Variants in CNDP1 observed in about 807,000 individuals in gnomAD.
CNDP1 encodes the protein carnosine dipeptidase 1.
CNDP1 carries 44 observed loss-of-function variants against 58.1 expected under a neutral mutation model. The ratio of observed to expected loss-of-function variants is 0.76; its 90% CI spans 0.60 to 0.97. The LOEUF (loss-of-function observed/expected upper bound fraction) is 0.97, where lower values mean the gene tolerates loss of function less well. CNDP1 is among the 50% of genes least tolerant of loss of function. The probability of loss-of-function intolerance (pLI) is 0.00; values close to 1 mark genes in which losing one functional copy is unlikely to be tolerated. For synonymous variants in CNDP1, 254 were observed against 252.6 expected, an observed-to-expected ratio of 1.01 and a Z score of -0.05; for missense variants, 616 against 655.1, an observed-to-expected ratio of 0.94 and a Z score of 0.65.
rs1267585431 is a variant in CNDP1, at chr18:74,586,641, A to C, written c.*2079A>C. 2.6e-5 allele frequency: 4 copies of C among 152,156 alleles called. No individual in the cohort carries two copies. The highest frequency in any genetic ancestry group is 1.3e-4 in the Admixed American group (2 of 15,270). 9.4% of individuals were successfully genotyped at this position (152,156 alleles called of 1,614,324 possible). A position where few individuals can be genotyped will look rare whatever the true frequency, so the allele number is the denominator to read the frequency against. The stretch of plus-strand genomic sequence containing the variant: ...AGGGGAGGAGAATGAATAGTTATGG[A>C]AGTTGTAGAATCTAGGATATTCCAA... On this transcript the variant is annotated 3_prime_UTR_variant, in exon 12 of 12. Transcript: ENST00000358821.
chr18:74,556,858 T>C (rs917836180), intron 2 of CNDP1, among the ~76,000 whole-genome samples: 1 of 152,338 alleles, frequency 6.6e-6, no homozygotes, highest in Admixed American at 6.5e-5. Flanking sequence ...AGCAGCGTTG[T>C]TTGTTTTGTA....
At chr18:74,583,450 A>C in intron 10 of CNDP1, 111 bp from the exon 11 acceptor site, 1 of 869,060 alleles carries the variant, frequency 1.2e-6, no homozygotes, top group Non-Finnish European at 1.8e-6. Context: ...AAAAAAAGAA[A>C]GATTAACAAG....
chr18:74,579,731 G>C (rs544478626), intron 9 of CNDP1, among the ~76,000 whole-genome samples: 2 of 152,326 alleles, frequency 1.3e-5, no homozygotes, highest in Non-Finnish European at 2.9e-5. Context: ...ACAGGGTACT[G>C]AGGAGTCCAA....
At chr18:74,565,781 A>T (rs1981312673) in intron 5 of CNDP1, among the ~76,000 whole-genome samples, 1 of 152,066 alleles carries the variant, frequency 6.6e-6, no homozygotes, top group African/African-American at 2.4e-5. Context: ...CAGTGGATCT[A>T]CCATTCTGGG....
intron 10 of CNDP1, among the ~76,000 whole-genome samples, chr18:74,582,794 C>T (rs903738299): frequency 6.6e-6 from 1 of 152,146 alleles, no homozygotes; most frequent in Non-Finnish European, 1.5e-5. Flanking sequence ...AAGGGAAAGA[C>T]CGGTGAAATT....
rs1171220929 is a variant in CNDP1, at chr18:74,534,540, C to T, written c.-128C>T. On this transcript the variant is annotated 5_prime_UTR_variant, in exon 1 of 12. Transcript: ENST00000358821. Reference sequence around the variant, plus strand: ...CACTATACCAGCCTCGTCTTCCTTCCGGGGGACAACGTGGGTCAGGGCACA... The same window carrying T: ...CACTATACCAGCCTCGTCTTCCTTCTGGGGGACAACGTGGGTCAGGGCACA... The T allele has an allele frequency of 7.4e-6, 7 of 949,318 alleles. No individual in the cohort carries two copies. The highest frequency in any genetic ancestry group is 1.6e-5 in the African/African-American group (1 of 62,184). The allele number at this position is 949,318 out of a possible 1,614,324, so 58.8% of individuals were successfully genotyped here.
Position 74,577,002 on chromosome 18 carries a change from G to C in CNDP1, c.975G>C (p.Arg325=), listed in dbSNP as rs1460425676. The part of the protein sequence containing the change: ...LDLEEYRNSS[R]VEKFLFDTKE... ...TAGAAGAATACCGGAATAGCAGCCG[G>C]GTTGAGAAATTTCTGTTCGATACTA... The change falls in exon 8 of 12, where the codon CGG becomes CGC. Residue 325 remains arginine, a synonymous_variant. Coordinates refer to ENST00000358821, the MANE Select transcript of CNDP1 (RefSeq NM_032649.6). 9 of 1,612,920 alleles carry C rather than the reference G, an allele frequency of 5.6e-6. No individual in the cohort carries two copies. The highest frequency in any genetic ancestry group is 7.6e-6 in the Non-Finnish European group (9 of 1,179,528).
Position 74,584,632 on chromosome 18 carries a change from GGAA to G in CNDP1, c.*71_*73del. The stretch of plus-strand genomic sequence containing the variant: ...CTCCCCCACATCCCTAGACAGGGAT[GGAA>G]TGTAAATATCCAGAGAATTTGGGTC... On this transcript the variant is annotated 3_prime_UTR_variant, in exon 12 of 12. Transcript: ENST00000358821. The G allele has an allele frequency of 1.6e-6, 2 of 1,218,676 alleles. No homozygotes were observed. The highest frequency in any genetic ancestry group is 1.2e-6 in the Non-Finnish European group (1 of 821,094). 75.5% of individuals were successfully genotyped at this position (1,218,676 alleles called of 1,614,324 possible). A position where few individuals can be genotyped will look rare whatever the true frequency, so the allele number is the denominator to read the frequency against.
intron 10 of CNDP1, among the ~76,000 whole-genome samples, chr18:74,581,408 G>C (rs1981789309): frequency 6.6e-6 from 1 of 152,154 alleles, no homozygotes; most frequent in African/African-American, 2.4e-5. Context: ...TGGCTGGACT[G>C]CCTGCTGATG....
chr18:74,570,211 ATAATAAT>A (rs749250701), intron 6 of CNDP1, among the ~76,000 whole-genome samples: 1,092 of 72,648 alleles, frequency 0.015, 43 homozygotes, highest in Admixed American at 0.11. Context: ...AATAATAATA[ATAATAAT>A]TAATAATAAT....
chr18:74,542,384 C>T (rs1190393602), intron 1 of CNDP1, among the ~76,000 whole-genome samples: 1 of 152,124 alleles, frequency 6.6e-6, no homozygotes, highest in African/African-American at 2.4e-5. Context: ...TTATCTTCAC[C>T]CGAATCTTGC....
rs1981756903 is a variant in CNDP1 at position 74,580,271 on chromosome 18, G to T, written c.1309G>T (p.Val437Leu). 3 of 1,614,104 alleles carry T rather than the reference G, an allele frequency of 1.9e-6. No homozygotes were observed. The highest frequency in any genetic ancestry group is 1.1e-5 in the South Asian group (1 of 91,072). The part of the protein sequence containing the change: ...YLAAKRAIRT[V>L]FGTEPDMIRD... ...CGCAGCAAAAAGAGCGATCAGAACAGGTGGGACCTTAAGATCTTCTGACTG... is the reference window on the plus strand; with the variant it reads ...CGCAGCAAAAAGAGCGATCAGAACATGTGGGACCTTAAGATCTTCTGACTG... The change falls in exon 10 of 12, where the codon GTG becomes TTG. Residue 437 changes from valine (V) to leucine (L), a missense_variant and splice_region_variant. Transcript: ENST00000358821.
chr18:74,541,378 C>G (rs971659429), intron 1 of CNDP1, among the ~76,000 whole-genome samples: 1 of 152,226 alleles, frequency 6.6e-6, no homozygotes, highest in African/African-American at 2.4e-5. Context: ...AGAGATGCTG[C>G]CCTGGTGACT....
At chr18:74,556,913 T>TTCAC (rs1451343257) in intron 2 of CNDP1, among the ~76,000 whole-genome samples, 2 of 152,068 alleles carry the variant, frequency 1.3e-5, no homozygotes, top group Admixed American at 1.3e-4. Context: ...CATTCATTCA[T>TTCAC]TCAATTTATT....
Position 74,586,059 on chromosome 18 carries a change from T to C in CNDP1, c.*1497T>C, listed in dbSNP as rs1281834997. 3 of 151,508 alleles carry C rather than the reference T, an allele frequency of 2.0e-5. No individual in the cohort carries two copies. The East Asian group carries it at 5.8e-4, about 29-fold the overall frequency. 9.4% of individuals were successfully genotyped at this position (151,508 alleles called of 1,614,324 possible). On this transcript the variant is annotated 3_prime_UTR_variant, in exon 12 of 12. Transcript: ENST00000358821. Reference sequence around the variant, plus strand: ...CGTTCAACTTTTTTCCATCACTCTGTTGGTTCTTGAGATGTCAGTGTCAGT... The same window carrying C: ...CGTTCAACTTTTTTCCATCACTCTGCTGGTTCTTGAGATGTCAGTGTCAGT...
intron 7 of CNDP1, among the ~76,000 whole-genome samples, chr18:74,575,861 G>GTGTA (rs1300642140): frequency 2.2e-5 from 3 of 138,416 alleles, no homozygotes; most frequent in African/African-American, 5.4e-5. Flanking sequence ...GTGTGTGTGT[G>GTGTA]TATACATTTT....
intron 6 of CNDP1, among the ~76,000 whole-genome samples, chr18:74,570,913 G>A (rs777541685): frequency 6.6e-6 from 1 of 152,234 alleles, no homozygotes; most frequent in Admixed American, 6.5e-5. Flanking sequence ...TGGCCAAGGA[G>A]AGCCTGGTGA....
At chr18:74,560,010 C>CTTTTTTTTTTT (rs398033526) in intron 3 of CNDP1, among the ~76,000 whole-genome samples, 1 of 121,324 alleles carries the variant, frequency 8.2e-6, no homozygotes, top group African/African-American at 3.1e-5. Flanking sequence ...CATCTGCATT[C>CTTTTTTTTTTT]TTTTTTTTTT....
In CNDP1 at chr18:74,534,560, G is replaced by A. The variant is rs1443364917; in HGVS notation, c.-108G>A. 1.4e-4 allele frequency: 163 copies of A among 1,181,550 alleles called. 3 individuals carry two copies. Among genetic ancestry groups the A allele is most frequent in the Non-Finnish European group, 5.1e-5 (41 of 797,178 alleles). The allele number at this position is 1,181,550 out of a possible 1,614,324, so 73.2% of individuals were successfully genotyped here. ...CCTTCCGGGGGACAACGTGGGTCAG[G>A]GCACAGAGAGATATTTAATGTCACC... On this transcript the variant is annotated 5_prime_UTR_variant, in exon 1 of 12. Coordinates refer to ENST00000358821, the MANE Select transcript of CNDP1 (RefSeq NM_032649.6).
Sources: gnomAD v4.1 joint callset for allele counts (sites outside exome capture counted in the v4.1 genomes callset) on GRCh38, gnomAD v4.1.1 for gene constraint, MANE v1.5 for transcripts, NCBI Gene and HGNC (gene_info 2026-07-23, HGNC 2026-07-21) for gene names.